Variants in KIRREL3 observed in about 807,000 individuals in gnomAD.
KIRREL3 encodes kin of IRRE-like protein 3.
KIRREL3 carries 36 observed loss-of-function variants against 89.7 expected under a neutral mutation model. The ratio of observed to expected loss-of-function variants is 0.40; its 90% CI spans 0.31 to 0.53. KIRREL3 has a LOEUF of 0.53. Among genes scored for constraint, KIRREL3 ranks in the 20% least tolerant of loss-of-function variants. The pLI is 0.49. For synonymous variants in KIRREL3, 445 were observed against 441.4 expected, an observed-to-expected ratio of 1.01 and a Z score of -0.10; for missense variants, 864 against 1,056.6, an observed-to-expected ratio of 0.82 and a Z score of 2.53.
intron 1 of KIRREL3, among the ~76,000 whole-genome samples, chr11:126,787,456 C>A (rs924239770): frequency 3.9e-5 from 6 of 152,194 alleles, no homozygotes; most frequent in Non-Finnish European, 5.9e-5. Context: ...CACAGCAGAA[C>A]TTTCTCCATA....
At chr11:126,712,175 T>G (rs1232507933) in intron 1 of KIRREL3, among the ~76,000 whole-genome samples, 3 of 151,738 alleles carry the variant, frequency 2.0e-5, no homozygotes, top group Non-Finnish European at 2.9e-5. Flanking sequence ...GAGTCAGAGT[T>G]TGTTTGAATG....
chr11:126,719,020 T>C lies in KIRREL3; in HGVS notation c.56-156108A>G, dbSNP rs534151225. Among the ~76,000 whole-genome samples the C allele has an allele frequency of 6.6e-6, 1 of 152,348 alleles. No individual in the cohort carries two copies. The highest frequency in any genetic ancestry group is 1.9e-4 in the East Asian group (1 of 5,188). Reference sequence around the variant, plus strand: ...ACAAATATGCTGTAATATCTCTAACTTTTTTAAAATGGAGAAGCCTTTCTC... The same window carrying C: ...ACAAATATGCTGTAATATCTCTAACCTTTTTAAAATGGAGAAGCCTTTCTC... On this transcript the variant is annotated intron_variant, in intron 1 of 16. Coordinates refer to ENST00000525144, the MANE Select transcript of KIRREL3 (RefSeq NM_032531.4). This position sits in a 1 kb window ranked among gnomAD's most constrained non-coding sequence, Gnocchi z 4.7.
In KIRREL3 at chr11:126,990,160, C is replaced by T. The variant is rs1229132240; in HGVS notation, c.55+10295G>A. Among the ~76,000 whole-genome samples the T allele has an allele frequency of 6.6e-6, 1 of 152,120 alleles. No individual in the cohort carries two copies. Among genetic ancestry groups the T allele is most frequent in the Non-Finnish European group, 1.5e-5 (1 of 68,018 alleles). On this transcript the variant is annotated intron_variant, in intron 1 of 16. Coordinates refer to ENST00000525144, the MANE Select transcript of KIRREL3 (RefSeq NM_032531.4). This position sits in a 1 kb window ranked among gnomAD's most constrained non-coding sequence, Gnocchi z 6.3. ...CGGTCCCCCTGCTGGGGAGGACTCA[C>T]CTTCACATACAGGAGAGAAACATCA...
intron 1 of KIRREL3, among the ~76,000 whole-genome samples, chr11:126,941,282 C>A (rs2135112597): frequency 6.7e-6 from 1 of 148,406 alleles, no homozygotes; most frequent in Non-Finnish European, 1.5e-5. Context: ...CCTCCATTGT[C>A]TTTTATTTAA....
rs1955568806 is a variant in KIRREL3 at position 126,441,641 on chromosome 11, G to A, written c.1253-1092C>T. ...TCTGGAGAACACACAGAATTATGCA[G>A]GAACAAAACAAAAATTGCTGCAAAC... is the stretch of plus-strand genomic sequence containing the variant. On this transcript the variant is annotated intron_variant, in intron 10 of 16. Transcript: ENST00000525144. The surrounding 1 kb of genome is among the most constrained non-coding windows in gnomAD (Gnocchi z 5.0). Among the ~76,000 whole-genome samples, 1 of 152,206 alleles carries A rather than the reference G, an allele frequency of 6.6e-6. No homozygotes were observed. The highest frequency in any genetic ancestry group is 1.5e-5 in the Non-Finnish European group (1 of 68,034).
chr11:126,597,796 C>T (rs931802564), intron 1 of KIRREL3, among the ~76,000 whole-genome samples: 28 of 152,330 alleles, frequency 1.8e-4, no homozygotes, highest in African/African-American at 6.7e-4. Context: ...GAGGAATTAA[C>T]AAAAATGTAT....
In KIRREL3 at chr11:126,475,102, G is replaced by T. The variant is rs1181701569; in HGVS notation, c.434-1636C>A. On this transcript the variant is annotated intron_variant, in intron 4 of 16. Transcript: ENST00000525144. The surrounding 1 kb of genome is among the most constrained non-coding windows in gnomAD (Gnocchi z 7.5). ...TCTGTGTACACAGCAAACACAGAAG[G>T]GGTAGTTGGATAACGGGGGCGTGGG... 6.6e-6 allele frequency among the ~76,000 whole-genome samples: 1 copy of T among 152,220 alleles called. No individual in the cohort carries two copies. The highest frequency in any genetic ancestry group is 1.5e-5 in the Non-Finnish European group (1 of 68,032).
intron 1 of KIRREL3, among the ~76,000 whole-genome samples, chr11:126,854,634 A>G (rs1026015809): frequency 2.0e-5 from 3 of 152,322 alleles, no homozygotes; most frequent in East Asian, 1.9e-4. Flanking sequence ...TTGATAGATG[A>G]TCCGGTTGCT....
At chr11:126,466,857 AGAAG>A (rs1196733981) in intron 5 of KIRREL3, among the ~76,000 whole-genome samples, 1 of 152,192 alleles carries the variant, frequency 6.6e-6, no homozygotes, top group Admixed American at 6.5e-5. Flanking sequence ...GGTGAGCTCC[AGAAG>A]GAAGTGAGTT....
intron 1 of KIRREL3, among the ~76,000 whole-genome samples, chr11:126,845,899 C>T (rs1944122987): frequency 6.6e-6 from 1 of 152,008 alleles, no homozygotes; most frequent in African/African-American, 2.4e-5. Context: ...GCCTGTAGTT[C>T]CTTGGGAAAA....
rs757568740 is a variant in KIRREL3 at position 126,723,186 on chromosome 11, C to A, written c.56-160274G>T. On this transcript the variant is annotated intron_variant, in intron 1 of 16. Transcript: ENST00000525144. This position sits in a 1 kb window ranked among gnomAD's most constrained non-coding sequence, Gnocchi z 4.0. ...TCTATCTCAGAGCCTGCAGCCCTGACACATTGCAGGTACTTAGCATACAGA... is the reference window on the plus strand; with the variant it reads ...TCTATCTCAGAGCCTGCAGCCCTGAAACATTGCAGGTACTTAGCATACAGA... 1.5e-5 allele frequency among the ~76,000 whole-genome samples: 2 copies of A among 137,720 alleles called. No homozygotes were observed. The highest frequency in any genetic ancestry group is 3.2e-5 in the Non-Finnish European group (2 of 63,244). The allele number at this position is 137,720 out of a possible 152,430, so 90.3% of individuals were successfully genotyped here.
intron 1 of KIRREL3, among the ~76,000 whole-genome samples, chr11:126,826,918 C>A (rs768481016): frequency 1.1e-4 from 16 of 152,326 alleles, no homozygotes; most frequent in Admixed American, 2.6e-4. Flanking sequence ...TCTTCCTCAG[C>A]TTCTTTGCTG....
rs954523330 is a variant in KIRREL3 at position 126,651,111 on chromosome 11, T to G, written c.56-88199A>C. On this transcript the variant is annotated intron_variant, in intron 1 of 16. Transcript: ENST00000525144. This position sits in a 1 kb window ranked among gnomAD's most constrained non-coding sequence, Gnocchi z 4.6. ...GGGTCCCTCCCACAACACATAGGAA[T>G]TATGGGAGTACAATTCAAGATGATA... Among the ~76,000 whole-genome samples, 1 of 152,128 alleles carries G rather than the reference T, an allele frequency of 6.6e-6. No homozygotes were observed. Among genetic ancestry groups the G allele is most frequent in the African/African-American group, 2.4e-5 (1 of 41,436 alleles).
rs927398731 is a variant in KIRREL3, at chr11:126,591,774, C to T, written c.56-28862G>A. On this transcript the variant is annotated intron_variant, in intron 1 of 16. Coordinates refer to ENST00000525144, the MANE Select transcript of KIRREL3 (RefSeq NM_032531.4). Reference sequence around the variant, plus strand: ...AAGTTAGGCTCTTTACAGCTCATACCGTGTTGTCATACGTATGACCATGCT... The same window carrying T: ...AAGTTAGGCTCTTTACAGCTCATACTGTGTTGTCATACGTATGACCATGCT... Among the ~76,000 whole-genome samples the T allele has an allele frequency of 2.6e-5, 4 of 152,194 alleles. No individual in the cohort carries two copies. The South Asian group carries it at 6.2e-4, about 24-fold the overall frequency.
intron 2 of KIRREL3, among the ~76,000 whole-genome samples, chr11:126,532,966 CT>C (rs1958989583): frequency 6.6e-6 from 1 of 151,682 alleles, no homozygotes; most frequent in Admixed American, 6.6e-5. Context: ...TAATTGCTAA[CT>C]TTTCTATTTT....
At chr11:126,446,148 CAAAAAAA>C (rs56820180) in intron 9 of KIRREL3, among the ~76,000 whole-genome samples, 1 of 83,236 alleles carries the variant, frequency 1.2e-5, no homozygotes, top group African/African-American at 4.9e-5. Context: ...AACTCCATCT[CAAAAAAA>C]AAAAAAAAAA....
rs1938632144 is a variant in KIRREL3 at position 126,544,621 on chromosome 11, G to A, written c.134-17934C>T. On this transcript the variant is annotated intron_variant, in intron 2 of 16. Coordinates refer to ENST00000525144, the MANE Select transcript of KIRREL3 (RefSeq NM_032531.4). The surrounding 1 kb of genome is among the most constrained non-coding windows in gnomAD (Gnocchi z 5.6). ...AGCAGGAACCCAGAGTCGGTGTCCT[G>A]GGGGCTCCATGCAGGACAGCAAATG... Among the ~76,000 whole-genome samples the A allele has an allele frequency of 6.6e-6, 1 of 152,108 alleles. No individual in the cohort carries two copies. Among genetic ancestry groups the A allele is most frequent in the Admixed American group, 6.5e-5 (1 of 15,270 alleles).
At position 126,526,057 on chromosome 11, in the gene KIRREL3, C is replaced by T. The variant is rs1367448808; in HGVS notation, c.283+481G>A. 6.6e-6 allele frequency among the ~76,000 whole-genome samples: 1 copy of T among 152,220 alleles called. No homozygotes were observed. The highest frequency in any genetic ancestry group is 1.9e-4 in the East Asian group (1 of 5,184). On this transcript the variant is annotated intron_variant, in intron 3 of 16. Coordinates refer to ENST00000525144, the MANE Select transcript of KIRREL3 (RefSeq NM_032531.4). This position sits in a 1 kb window ranked among gnomAD's most constrained non-coding sequence, Gnocchi z 5.7. ...TACTTCCTGTCTTTTCTTCCCATCTCATGATGGCTCCTAAGATCAACTAGG... is the reference window on the plus strand; with the variant it reads ...TACTTCCTGTCTTTTCTTCCCATCTTATGATGGCTCCTAAGATCAACTAGG...
At chr11:126,746,241 A>C (rs1169389072) in intron 1 of KIRREL3, among the ~76,000 whole-genome samples, 1 of 152,214 alleles carries the variant, frequency 6.6e-6, no homozygotes, top group East Asian at 1.9e-4. Flanking sequence ...GGGGATATGA[A>C]CATGAATGAT....
Sources: allele counts gnomAD v4.1 joint callset (sites outside exome capture counted in the v4.1 genomes callset), GRCh38; gene constraint gnomAD v4.1.1; non-coding constraint Gnocchi (gnomAD v3.1); transcripts MANE v1.5; gene names NCBI Gene and HGNC (gene_info 2026-07-23, HGNC 2026-07-21).